The following CHST9 variants were observed in gnomAD, a reference collection of about 807,000 sequenced individuals.
The protein encoded by CHST9 is GalNAc-4-sulfotransferase 2.
In CHST9, 41 loss-of-function variants were observed where a neutral mutation model predicts 44.4. The observed-to-expected ratio is 0.92, with a 90% CI of 0.72 to 1.20. The LOEUF is 1.20. CHST9 is among the 50% of genes most tolerant of loss of function. The pLI is 0.00. For synonymous variants in CHST9, 171 were observed against 178.4 expected (o/e 0.96, Z 0.33); for missense variants, 504 against 516.5 (o/e 0.98, Z 0.23).
intron 3 of CHST9, among the ~76,000 whole-genome samples, chr18:27,030,618 T>G (rs891814281): frequency 1.3e-5 from 2 of 152,216 alleles, no homozygotes; most frequent in African/African-American, 4.8e-5. Context: ...GGCTGCCGGG[T>G]GTGCTTGTCC....
chr18:27,139,933 C>G (rs1027845431), intron 2 of CHST9, among the ~76,000 whole-genome samples: 1 of 152,132 alleles, frequency 6.6e-6, no homozygotes, highest in Non-Finnish European at 1.5e-5. Context: ...AACATCTGTA[C>G]TGATACTACT....
chr18:27,035,128 A>G (rs944583712), intron 3 of CHST9, among the ~76,000 whole-genome samples: 2 of 152,174 alleles, frequency 1.3e-5, no homozygotes, highest in African/African-American at 4.8e-5. Context: ...CCAACAGTGT[A>G]TTAGGATTCC....
chr18:26,995,979 A>T (rs980395030), intron 4 of CHST9, among the ~76,000 whole-genome samples: 1 of 152,244 alleles, frequency 6.6e-6, no homozygotes, highest in Non-Finnish European at 1.5e-5. Context: ...GTCAGCAATA[A>T]GAAATTATAT....
At chr18:27,039,655 T>C (rs1182541885) in intron 3 of CHST9, among the ~76,000 whole-genome samples, 1 of 152,144 alleles carries the variant, frequency 6.6e-6, no homozygotes, top group Non-Finnish European at 1.5e-5. Context: ...ATGGTTAAAA[T>C]GGTAAGTTTT....
At chr18:26,965,462 G>A (rs1445597439) in intron 4 of CHST9, among the ~76,000 whole-genome samples, 1 of 152,164 alleles carries the variant, frequency 6.6e-6, no homozygotes. Flanking sequence ...TGGGAAGCAG[G>A]CCATCTGGCT....
chr18:26,967,425 C>T (rs2056481210), intron 4 of CHST9, among the ~76,000 whole-genome samples: 1 of 151,972 alleles, frequency 6.6e-6, no homozygotes, highest in Non-Finnish European at 1.5e-5. Context: ...TACAATATAC[C>T]TGTATATTGT....
intron 4 of CHST9, among the ~76,000 whole-genome samples, chr18:26,981,423 C>T (rs2056690623): frequency 6.6e-6 from 1 of 152,192 alleles, no homozygotes; most frequent in East Asian, 1.9e-4. Flanking sequence ...ATTCTTGACA[C>T]TTAGCTGCAG....
intron 2 of CHST9, among the ~76,000 whole-genome samples, chr18:27,086,662 C>T (rs1232521264): frequency 6.6e-6 from 1 of 152,028 alleles, no homozygotes. Flanking sequence ...TAATATGAAA[C>T]TAAAACACAA....
chr18:27,093,254 C>T (rs1278652208), intron 2 of CHST9, among the ~76,000 whole-genome samples: 1 of 152,222 alleles, frequency 6.6e-6, no homozygotes, highest in Non-Finnish European at 1.5e-5. Flanking sequence ...AAACACTGTG[C>T]TGGGAGAACC....
chr18:27,151,483 G>A (rs1007674246), intron 1 of CHST9, among the ~76,000 whole-genome samples: 6 of 152,114 alleles, frequency 3.9e-5, no homozygotes, highest in African/African-American at 1.4e-4. Context: ...CTAATCACTG[G>A]AAGCTGTGAA....
At chr18:27,074,382 AAAAC>A (rs1414403026) in intron 2 of CHST9, among the ~76,000 whole-genome samples, 2 of 152,228 alleles carry the variant, frequency 1.3e-5, no homozygotes, top group Admixed American at 6.5e-5. Flanking sequence ...TTTTCAAACA[AAAAC>A]AAAACTATAA....
chr18:27,103,382 G>A (rs1598726811), intron 2 of CHST9, among the ~76,000 whole-genome samples: 1 of 152,194 alleles, frequency 6.6e-6, no homozygotes, highest in East Asian at 1.9e-4. Context: ...GACAGGCAGT[G>A]CCTCTGGTTT....
chr18:27,091,392 C>G (rs191285673), intron 2 of CHST9, among the ~76,000 whole-genome samples: 173 of 152,308 alleles, frequency 1.1e-3, no homozygotes, highest in Non-Finnish European at 2.1e-3. Flanking sequence ...CATCTGCAAA[C>G]AGGGACAATT....
chr18:27,068,640 C>A (rs957320262), intron 2 of CHST9, among the ~76,000 whole-genome samples: 1 of 152,148 alleles, frequency 6.6e-6, no homozygotes, highest in African/African-American at 2.4e-5. Flanking sequence ...CAACATACTA[C>A]TAGGGTAGTT....
At position 26,962,258 on chromosome 18, in the gene CHST9, C is replaced by T. The variant is rs562927494; in HGVS notation, c.203-17892G>A. Among the ~76,000 whole-genome samples the T allele has an allele frequency of 1.5e-4, 22 of 151,690 alleles. No individual in the cohort carries two copies. In the East Asian group the frequency reaches 3.5e-3, roughly 24 times the overall value. On this transcript the variant is annotated intron_variant, in intron 4 of 5. Coordinates refer to ENST00000618847, the MANE Select transcript of CHST9 (RefSeq NM_031422.6). ...TTACTATACTATCTTCCGTGGTCTG[C>T]TGCTCCCTCTACTCCTATCCCAAAT...
intron 2 of CHST9, among the ~76,000 whole-genome samples, chr18:27,075,754 C>T (rs960277794): frequency 7.2e-5 from 11 of 152,116 alleles, no homozygotes; most frequent in Admixed American, 3.3e-4. Flanking sequence ...TCACTCTTCT[C>T]GTATGTACTG....
intron 2 of CHST9, among the ~76,000 whole-genome samples, chr18:27,137,528 A>G (rs576169024): frequency 6.6e-6 from 1 of 152,244 alleles, no homozygotes; most frequent in South Asian, 2.1e-4. Flanking sequence ...AGGCAGCTCC[A>G]GAAGCATGGT....
intron 1 of CHST9, among the ~76,000 whole-genome samples, chr18:27,170,327 A>C (rs748514168): frequency 6.6e-5 from 10 of 152,296 alleles, no homozygotes; most frequent in South Asian, 2.1e-4. Flanking sequence ...AGAACTGCCA[A>C]ATGGAAGTAA....
intron 2 of CHST9, among the ~76,000 whole-genome samples, chr18:27,135,052 C>T (rs994237453): frequency 6.6e-6 from 1 of 151,902 alleles, no homozygotes; most frequent in Non-Finnish European, 1.5e-5. Context: ...GTGTTTTTTA[C>T]CACAAAAAAA....
Sources: gnomAD v4.1 joint callset for allele counts (sites outside exome capture counted in the v4.1 genomes callset) on GRCh38, gnomAD v4.1.1 for gene constraint, MANE v1.5 for transcripts, NCBI Gene and HGNC (gene_info 2026-07-23, HGNC 2026-07-21) for gene names.